The following PDE4D variants were observed in gnomAD, a reference collection of about 807,000 sequenced individuals.
The protein encoded by PDE4D is phosphodiesterase 4D, also known as 3',5'-cyclic-AMP phosphodiesterase 4D.
PDE4D carries 24 observed loss-of-function variants against 87.4 expected under a neutral mutation model. The ratio of observed to expected loss-of-function variants is 0.27; its 90% confidence interval spans 0.20 to 0.39. The LOEUF is 0.39. PDE4D is among the 10% of genes least tolerant of loss of function. The probability of loss-of-function intolerance (pLI) is 1.00; values close to 1 mark genes in which losing one functional copy is unlikely to be tolerated. For synonymous variants in PDE4D, 384 were observed against 383.2 expected (o/e 1.00, Z -0.02); for missense variants, 714 against 1,041.0 (o/e 0.69, Z 4.32).
At position 59,345,141 on chromosome 5, in the gene PDE4D, A is replaced by G. The variant is rs1162760141; in HGVS notation, c.456-129173T>C. On this transcript the variant is annotated intron_variant, in intron 1 of 14. Transcript: ENST00000340635. ...AGGGAAAAAAACCTTCTTTAAATGCATGGGTAAACAAAATCTTGAAAAAGC... is the reference window on the plus strand; with the variant it reads ...AGGGAAAAAAACCTTCTTTAAATGCGTGGGTAAACAAAATCTTGAAAAAGC... Among the ~76,000 whole-genome samples the G allele has an allele frequency of 3.9e-5, 6 of 152,328 alleles. No homozygotes were observed. In the East Asian group the frequency reaches 9.6e-4, roughly 24 times the overall value.
intron 1 of PDE4D, among the ~76,000 whole-genome samples, chr5:59,250,438 A>G (rs1243096404): frequency 6.6e-6 from 1 of 151,232 alleles, no homozygotes; most frequent in Non-Finnish European, 1.5e-5. Context: ...AGCTGCAATG[A>G]GCTGTGATTG....
At chr5:59,116,214 T>TA (rs1773585230) in intron 5 of PDE4D, among the ~76,000 whole-genome samples, 1 of 152,156 alleles carries the variant, frequency 6.6e-6, no homozygotes, top group African/African-American at 2.4e-5. Flanking sequence ...TTCAAGAAAT[T>TA]AAAATTGTAT....
rs370832609 is a variant in PDE4D, at chr5:59,661,968, G to C, written c.455+231200C>G. On this transcript the variant is annotated intron_variant, in intron 1 of 14. Coordinates refer to ENST00000340635, the MANE Select transcript of PDE4D (RefSeq NM_001104631.2). The stretch of plus-strand genomic sequence containing the variant: ...ACTTGAATGTTCAGGCGTTCTGGGA[G>C]GGGGGATATATTGCTGAGACCCATT... Among the ~76,000 whole-genome samples the C allele has an allele frequency of 9.9e-5, 15 of 152,282 alleles. No homozygotes were observed. The East Asian group carries it at 2.3e-3, about 23-fold the overall frequency.
At chr5:59,899,184 G>A (rs1751970882) in intron 3 of PDE4D, among the ~76,000 whole-genome samples, 1 of 152,016 alleles carries the variant, frequency 6.6e-6, no homozygotes, top group African/African-American at 2.4e-5. Context: ...TAATGATCAG[G>A]ATGAGTCTTT....
intron 5 of PDE4D, among the ~76,000 whole-genome samples, chr5:59,088,883 C>T (rs1768194570): frequency 6.6e-6 from 1 of 152,134 alleles, no homozygotes; most frequent in Admixed American, 6.5e-5. Flanking sequence ...CTACAAACCC[C>T]ATGACACAAG....
intron 5 of PDE4D, among the ~76,000 whole-genome samples, chr5:59,119,159 C>T (rs1774083289): frequency 1.3e-5 from 2 of 152,160 alleles, no homozygotes; most frequent in Middle Eastern, 3.4e-3. Context: ...AGATAGCTGG[C>T]GTGACCATAT....
chr5:59,735,830 A>C lies in PDE4D; in HGVS notation c.455+157338T>G, dbSNP rs568577960. 4.6e-5 allele frequency among the ~76,000 whole-genome samples: 7 copies of C among 152,094 alleles called. No individual in the cohort carries two copies. The South Asian group carries it at 1.2e-3, about 27-fold the overall frequency. ...TACAGGCATGTACCACCACACCCAG[A>C]TAATTTTTAAATATTTTTAGTACAG... On this transcript the variant is annotated intron_variant, in intron 1 of 14. Transcript: ENST00000340635.
chr5:60,347,263 T>C (rs1415944464), intron 1 of PDE4D, among the ~76,000 whole-genome samples: 4 of 152,028 alleles, frequency 2.6e-5, no homozygotes, highest in Admixed American at 6.6e-5. Context: ...TGAGCTCCAT[T>C]AGTTCAAAAA....
chr5:59,249,644 A>G (rs1322500326), intron 1 of PDE4D, among the ~76,000 whole-genome samples: 2 of 152,180 alleles, frequency 1.3e-5, no homozygotes, highest in African/African-American at 4.8e-5. Context: ...GTTAAGTGAT[A>G]TGGAAAAATG....
intron 1 of PDE4D, among the ~76,000 whole-genome samples, chr5:59,237,080 T>G (rs185185740): frequency 6.6e-6 from 1 of 152,136 alleles, no homozygotes; most frequent in Non-Finnish European, 1.5e-5. Flanking sequence ...TAATGAAGTT[T>G]TAGACCCAAC....
Position 60,502,035 on chromosome 5 carries a change from G to T in PDE4D, n.70+20016C>A, listed in dbSNP as rs540426879. Reference sequence around the variant, plus strand: ...GATCCCATTTGTCAATTTTGGCTTTGGTTGCCATTGCTTTTGGTGTTTTAG... The same window carrying T: ...GATCCCATTTGTCAATTTTGGCTTTTGTTGCCATTGCTTTTGGTGTTTTAG... On this transcript the variant is annotated intron_variant and non_coding_transcript_variant, in intron 1 of 2. Coordinates refer to the PDE4D transcript ENST00000506510. Among the ~76,000 whole-genome samples, 391 of 151,786 alleles carry T rather than the reference G, an allele frequency of 2.6e-3. 1 individual carries two copies. The highest frequency in any genetic ancestry group is 8.8e-3 in the African/African-American group (366 of 41,466).
At chr5:60,248,645 C>T (rs1329198586) in intron 1 of PDE4D, among the ~76,000 whole-genome samples, 1 of 151,990 alleles carries the variant, frequency 6.6e-6, no homozygotes, top group Non-Finnish European at 1.5e-5. Context: ...CTTTCATGAC[C>T]TCTCTTATCT....
chr5:59,629,832 C>G (rs2150142504), intron 1 of PDE4D, among the ~76,000 whole-genome samples: 1 of 152,206 alleles, frequency 6.6e-6, no homozygotes, highest in South Asian at 2.1e-4. Context: ...AAATAATTTG[C>G]CTGAGGAAAT....
At chr5:59,212,131 T>C (rs1750219090) in intron 2 of PDE4D, among the ~76,000 whole-genome samples, 2 of 152,140 alleles carry the variant, frequency 1.3e-5, no homozygotes, top group East Asian at 1.9e-4. Context: ...AGTTGAATTA[T>C]ACACATCAGA....
At chr5:60,183,325 T>C (rs1784525577) in intron 2 of PDE4D, among the ~76,000 whole-genome samples, 1 of 152,340 alleles carries the variant, frequency 6.6e-6, no homozygotes, top group Middle Eastern at 3.4e-3. Context: ...TTATATTTAT[T>C]TGGGAACTGG....
At chr5:59,044,024 A>ATG (rs1760203702) in intron 5 of PDE4D, among the ~76,000 whole-genome samples, 3 of 152,180 alleles carry the variant, frequency 2.0e-5, no homozygotes, top group African/African-American at 7.2e-5. Context: ...ATACGTGTGC[A>ATG]TGTGTCTTTA....
At position 59,867,362 on chromosome 5, in the gene PDE4D, C is replaced by A. The variant is rs1166971316; in HGVS notation, c.455+25806G>T. ...TCAGCTAAAAAAAAAAGATTAACTT[C>A]CTTAATAAAAATAAAATTAAAACTG... On this transcript the variant is annotated intron_variant, in intron 1 of 14. Coordinates refer to ENST00000340635, the MANE Select transcript of PDE4D (RefSeq NM_001104631.2). Among the ~76,000 whole-genome samples the A allele has an allele frequency of 3.3e-5, 5 of 152,110 alleles. No homozygotes were observed. The East Asian group carries it at 5.8e-4, about 18-fold the overall frequency.
intron 3 of PDE4D, among the ~76,000 whole-genome samples, chr5:59,909,274 A>C (rs1041627940): frequency 6.6e-6 from 1 of 152,184 alleles, no homozygotes; most frequent in Admixed American, 6.5e-5. Context: ...TGTGGCCTGA[A>C]GACCACTTAT....
chr5:60,365,728 C>T (rs1760468463), intron 1 of PDE4D, among the ~76,000 whole-genome samples: 1 of 152,158 alleles, frequency 6.6e-6, no homozygotes, highest in Admixed American at 6.6e-5. Flanking sequence ...AACAGACTTA[C>T]ATAGTTCAGG....
Sources: gnomAD v4.1 joint callset for allele counts (sites outside exome capture counted in the v4.1 genomes callset) on GRCh38, gnomAD v4.1.1 for gene constraint, MANE v1.5 for transcripts, NCBI Gene and HGNC (gene_info 2026-07-23, HGNC 2026-07-21) for gene names.